The following NTNG1 variants were observed in gnomAD, a reference collection of about 807,000 sequenced individuals.
NTNG1 encodes netrin G1.
NTNG1 carries 16 observed loss-of-function variants against 54.0 expected under a neutral mutation model. The ratio of observed to expected loss-of-function variants is 0.30; its 90% confidence interval spans 0.20 to 0.45. The LOEUF (loss-of-function observed/expected upper bound fraction) is 0.45, where lower values mean the gene tolerates loss of function less well. NTNG1 is among the 20% of genes least tolerant of loss of function. NTNG1 has a pLI of 1.00. For missense variants in NTNG1, 530 were observed against 678.7 expected, an observed-to-expected ratio of 0.78 and a Z score of 2.43; for synonymous variants, 255 against 263.1, an observed-to-expected ratio of 0.97 and a Z score of 0.30.
At chr1:107,181,362 A>AGAGGGT (rs1657048469) in intron 2 of NTNG1, among the ~76,000 whole-genome samples, 1 of 152,174 alleles carries the variant, frequency 6.6e-6, no homozygotes, top group Admixed American at 6.6e-5. Flanking sequence ...ATTGCATAAA[A>AGAGGGT]GAGGGTTTGT....
chr1:107,464,664 G>T (rs1223186494), intron 7 of NTNG1, among the ~76,000 whole-genome samples: 1 of 152,154 alleles, frequency 6.6e-6, no homozygotes, highest in Non-Finnish European at 1.5e-5. Flanking sequence ...CCAGTGACAA[G>T]AAAAGTGTTT....
intron 2 of NTNG1, among the ~76,000 whole-genome samples, chr1:107,218,564 C>CT (rs1557819178): frequency 6.6e-6 from 1 of 152,118 alleles, no homozygotes; most frequent in Non-Finnish European, 1.5e-5. Flanking sequence ...GATATTTATG[C>CT]TTTAAGGAGA....
Position 107,300,259 on chromosome 1 carries a change from G to A in NTNG1, c.247-24023G>A, listed in dbSNP as rs150721226. 3.7e-3 allele frequency among the ~76,000 whole-genome samples: 565 copies of A among 152,270 alleles called. 4 individuals carry two copies. The highest frequency in any genetic ancestry group is 5.0e-3 in the Non-Finnish European group (340 of 68,018). On this transcript the variant is annotated intron_variant, in intron 2 of 7. Coordinates refer to ENST00000370068, the MANE Select transcript of NTNG1 (RefSeq NM_001113226.3). The stretch of plus-strand genomic sequence containing the variant: ...TTTTGCCTATAGATGTGGTTGGCTC[G>A]TCACATGCCACGTTTTCTTTAAAAA...
intron 2 of NTNG1, among the ~76,000 whole-genome samples, chr1:107,223,666 G>A (rs1421433211): frequency 1.3e-5 from 2 of 151,956 alleles, no homozygotes; most frequent in East Asian, 3.9e-4. Context: ...TAAAGTATTG[G>A]TTTCATAACA....
chr1:107,317,930 T>C (rs919364469), intron 2 of NTNG1, among the ~76,000 whole-genome samples: 1 of 152,192 alleles, frequency 6.6e-6, no homozygotes, highest in Admixed American at 6.6e-5. Flanking sequence ...CTTTATCCTC[T>C]ACTATTCTTA....
At chr1:107,248,143 C>T (rs1333032368) in intron 2 of NTNG1, among the ~76,000 whole-genome samples, 5 of 152,082 alleles carry the variant, frequency 3.3e-5, no homozygotes, top group African/African-American at 1.2e-4. Context: ...TAATAAGGTA[C>T]CTTGTCTCCA....
At chr1:107,349,253 A>C (rs1557921462) in intron 3 of NTNG1, among the ~76,000 whole-genome samples, 1 of 152,162 alleles carries the variant, frequency 6.6e-6, no homozygotes, top group Non-Finnish European at 1.5e-5. Flanking sequence ...TTTTCTCTCC[A>C]ACAGCAACCC....
intron 2 of NTNG1, among the ~76,000 whole-genome samples, chr1:107,295,498 T>C (rs1665886831): frequency 6.6e-6 from 1 of 152,140 alleles, no homozygotes; most frequent in African/African-American, 2.4e-5. Flanking sequence ...AATGGGTTTG[T>C]AGTGTAAGCA....
chr1:107,335,560 G>T (rs1668527935), intron 3 of NTNG1, among the ~76,000 whole-genome samples: 1 of 151,794 alleles, frequency 6.6e-6, no homozygotes, highest in African/African-American at 2.4e-5. Flanking sequence ...ATAGCGTGAG[G>T]CTAATTATGA....
chr1:107,397,236 A>G (rs1395355758), intron 4 of NTNG1, among the ~76,000 whole-genome samples: 1 of 152,172 alleles, frequency 6.6e-6, no homozygotes, highest in Non-Finnish European at 1.5e-5. Context: ...TAGGCAGGTG[A>G]TGGATGGACC....
chr1:107,436,647 GTTGTC>G lies in NTNG1; in HGVS notation c.1256-13_1256-9del. The G allele has an allele frequency of 6.2e-7, 1 of 1,610,480 alleles. No individual in the cohort carries two copies. The highest frequency in any genetic ancestry group is 8.5e-7 in the Non-Finnish European group (1 of 1,177,914). ...ATGCAGACTTGTCTCCAGCCTGTGT[GTTGTC>G]TTGTTTCTACAGAGTGTTATTGTAA... On this transcript the variant is annotated splice_polypyrimidine_tract_variant and intron_variant, in intron 6 of 7. Transcript: ENST00000370068.
intron 2 of NTNG1, among the ~76,000 whole-genome samples, chr1:107,286,977 T>A (rs190921115): frequency 1.2e-4 from 18 of 152,276 alleles, no homozygotes; most frequent in Admixed American, 9.8e-4. Context: ...GTACAGGGTG[T>A]TTATAGATTT....
At chr1:107,192,056 A>G (rs1438388837) in intron 2 of NTNG1, among the ~76,000 whole-genome samples, 1 of 152,184 alleles carries the variant, frequency 6.6e-6, no homozygotes, top group Non-Finnish European at 1.5e-5. Flanking sequence ...CTTCCAACCC[A>G]TGAGCATGGA....
chr1:107,334,612 C>T (rs1251619757), intron 3 of NTNG1, among the ~76,000 whole-genome samples: 2 of 150,410 alleles, frequency 1.3e-5, no homozygotes, highest in Admixed American at 6.6e-5. Context: ...TCTTTTAGAA[C>T]TGAAAAAAAA....
chr1:107,270,721 C>G (rs1337552714), intron 2 of NTNG1, among the ~76,000 whole-genome samples: 32 of 137,134 alleles, frequency 2.3e-4, no homozygotes, highest in Non-Finnish European at 4.6e-4. Context: ...CCCGCCCCCC[C>G]ACCCCCAACC....
chr1:107,336,183 TTC>T (rs1176676581), intron 3 of NTNG1, among the ~76,000 whole-genome samples: 4 of 150,966 alleles, frequency 2.6e-5, no homozygotes, highest in South Asian at 2.1e-4. Context: ...TATGTTGTTG[TTC>T]TTTTTTTTTT....
intron 7 of NTNG1, among the ~76,000 whole-genome samples, chr1:107,464,389 T>G (rs557735050): frequency 1.7e-4 from 26 of 152,216 alleles, no homozygotes; most frequent in African/African-American, 5.8e-4. Context: ...TGAAGGGATG[T>G]TCAAAAGATT....
chr1:107,330,837 A>G (rs1668231381), intron 3 of NTNG1: 2 of 152,108 alleles, frequency 1.3e-5, no homozygotes, highest in Admixed American at 1.3e-4. Flanking sequence ...ACCATTATAG[A>G]ACATTTACAG....
chr1:107,322,444 G>T lies in NTNG1; in HGVS notation c.247-1838G>T, dbSNP rs552642312. Among the ~76,000 whole-genome samples, 33 of 152,160 alleles carry T rather than the reference G, an allele frequency of 2.2e-4. No individual in the cohort carries two copies. The South Asian group carries it at 6.8e-3, about 32-fold the overall frequency. On this transcript the variant is annotated intron_variant, in intron 2 of 7. Coordinates refer to ENST00000370068, the MANE Select transcript of NTNG1 (RefSeq NM_001113226.3). ...TTTTTTCAGTAAATTTCAAATGAAG[G>T]TGTGATTTGTGTAAATCTGACCTCT...
Sources: gnomAD v4.1 joint callset for allele counts (sites outside exome capture counted in the v4.1 genomes callset) on GRCh38, gnomAD v4.1.1 for gene constraint, MANE v1.5 for transcripts, NCBI Gene and HGNC (gene_info 2026-07-23, HGNC 2026-07-21) for gene names.